The following ARHGEF26 variants were observed in gnomAD, a reference collection of about 807,000 sequenced individuals.
ARHGEF26 encodes Rho guanine nucleotide exchange factor 26.
A neutral mutation model predicts 89.4 loss-of-function variants in ARHGEF26; 59 were observed. The observed-to-expected ratio is 0.66, with a 90% CI of 0.54 to 0.82. The LOEUF (loss-of-function observed/expected upper bound fraction) is 0.82. Ranked by LOEUF, ARHGEF26 falls within the 40% of genes least tolerant of loss-of-function variation. The pLI, the probability that ARHGEF26 is intolerant of heterozygous loss-of-function variation, is 0.00. For missense variants in ARHGEF26, 1,234 were observed against 1,085.6 expected, an observed-to-expected ratio of 1.14 and a Z score of -1.92; for synonymous variants, 500 against 428.4, an observed-to-expected ratio of 1.17 and a Z score of -2.06.
intron 4 of ARHGEF26, among the ~76,000 whole-genome samples, chr3:154,137,320 A>G (rs1353869164): frequency 6.6e-6 from 1 of 152,136 alleles, no homozygotes; most frequent in Non-Finnish European, 1.5e-5. Flanking sequence ...GCCATATGAT[A>G]CCCTGCACCA....
chr3:154,233,780 C>T (rs1716947739), intron 11 of ARHGEF26, among the ~76,000 whole-genome samples: 1 of 152,176 alleles, frequency 6.6e-6, no homozygotes, highest in Non-Finnish European at 1.5e-5. Context: ...GGTGATGGGC[C>T]ATGGTGGCCT....
At chr3:154,212,202 A>G (rs2108233856) in intron 9 of ARHGEF26, among the ~76,000 whole-genome samples, 1 of 152,062 alleles carries the variant, frequency 6.6e-6, no homozygotes, top group South Asian at 2.1e-4. Flanking sequence ...AGCCTGGCAT[A>G]CAGCTGTGGT....
At chr3:154,158,282 C>T (rs1431052156) in intron 6 of ARHGEF26, among the ~76,000 whole-genome samples, 1 of 152,214 alleles carries the variant, frequency 6.6e-6, no homozygotes, top group Non-Finnish European at 1.5e-5. Context: ...GCACAGTGTG[C>T]ATGGATCTTA....
intron 6 of ARHGEF26, among the ~76,000 whole-genome samples, chr3:154,178,264 A>G (rs895108389): frequency 2.0e-5 from 3 of 152,208 alleles, no homozygotes; most frequent in South Asian, 2.1e-4. Flanking sequence ...TTCATATGCC[A>G]TACAAATAAC....
intron 7 of ARHGEF26, among the ~76,000 whole-genome samples, chr3:154,188,411 A>G (rs983654584): frequency 1.3e-5 from 2 of 152,256 alleles, no homozygotes; most frequent in African/African-American, 2.4e-5. Flanking sequence ...AGAGTTAAGC[A>G]TTAGATTTCC....
At position 154,257,757 on chromosome 3, in the gene ARHGEF26, C is replaced by T. The variant is rs1718610901; in HGVS notation, c.*2284C>T. ...AAGAACAAAAATGTTCATTTTTGTC[C>T]CAGTAAATTGAGACTGCTTGTACAC... On this transcript the variant is annotated 3_prime_UTR_variant, in exon 15 of 15. Transcript: ENST00000465093. The T allele has an allele frequency of 6.6e-6, 1 of 151,998 alleles. No homozygotes were observed. The highest frequency in any genetic ancestry group is 2.4e-5 in the African/African-American group (1 of 41,368). 9.4% of individuals were successfully genotyped at this position (151,998 alleles called of 1,614,324 possible). A position where few individuals can be genotyped will look rare whatever the true frequency, so the allele number is the denominator to read the frequency against.
At chr3:154,199,032 C>T (rs1312379975) in intron 9 of ARHGEF26, among the ~76,000 whole-genome samples, 1 of 151,948 alleles carries the variant, frequency 6.6e-6, no homozygotes, top group Non-Finnish European at 1.5e-5. Context: ...GGGTATCCAT[C>T]CCCTCAAGCA....
chr3:154,245,469 C>CT (rs1254194040), intron 12 of ARHGEF26, among the ~76,000 whole-genome samples: 1 of 152,124 alleles, frequency 6.6e-6, no homozygotes, highest in East Asian at 1.9e-4. Context: ...GTTAAACTTC[C>CT]TTTTTTGTTC....
At chr3:154,218,014 A>G in intron 10 of ARHGEF26, 56 bp downstream of exon 10, 11 of 1,463,722 alleles carry the variant, frequency 7.5e-6, no homozygotes, top group South Asian at 1.2e-5. Flanking sequence ...CTAAATAGAG[A>G]GAGACAGTTG....
At chr3:154,198,580 A>C (rs982489209) in intron 9 of ARHGEF26, among the ~76,000 whole-genome samples, 2 of 152,200 alleles carry the variant, frequency 1.3e-5, no homozygotes, top group Non-Finnish European at 2.9e-5. Flanking sequence ...ATTTGCAGCA[A>C]CTTGGATGGA....
intron 6 of ARHGEF26, among the ~76,000 whole-genome samples, chr3:154,171,269 C>G (rs1434518492): frequency 1.3e-5 from 2 of 152,090 alleles, no homozygotes; most frequent in Admixed American, 1.3e-4. Context: ...TTATATACCC[C>G]CTGATGCTGC....
intron 9 of ARHGEF26, among the ~76,000 whole-genome samples, chr3:154,215,349 C>T (rs1034283643): frequency 6.6e-6 from 1 of 152,060 alleles, no homozygotes; most frequent in East Asian, 1.9e-4. Flanking sequence ...CTCCCCACTT[C>T]CCACTCCCCT....
At position 154,122,015 on chromosome 3, in the gene ARHGEF26, A is replaced by G; in HGVS notation, c.23A>G (p.Asp8Gly). The stretch of plus-strand genomic sequence containing the variant: ...GCTATGGACGGCGAGAGCGAGGTGG[A>G]TTTTTCTAGCAACAGCATAACCCCT... MDGESEV[D>G]FSSNSITPLW... Residue 8 changes from aspartate (D) to glycine (G), a missense_variant, in exon 2 of 15, where the codon GAT (aspartate) becomes GGT (glycine). Transcript: ENST00000465093. 6.3e-7 allele frequency: 1 copy of G among 1,594,776 alleles called. No individual in the cohort carries two copies. The highest frequency in any genetic ancestry group is 8.6e-7 in the Non-Finnish European group (1 of 1,164,720).
intron 4 of ARHGEF26, among the ~76,000 whole-genome samples, chr3:154,141,665 AC>A (rs1559857040): frequency 1.3e-5 from 2 of 152,186 alleles, no homozygotes; most frequent in South Asian, 4.1e-4. Flanking sequence ...AATATGTTTT[AC>A]CTTATAAACC....
chr3:154,181,583 G>A (rs978609277), intron 6 of ARHGEF26, among the ~76,000 whole-genome samples: 2 of 152,244 alleles, frequency 1.3e-5, no homozygotes, highest in South Asian at 2.1e-4. Flanking sequence ...TGAGTGCTGC[G>A]CTGCTTAGTC....
chr3:154,204,537 G>T lies in ARHGEF26; in HGVS notation c.1845+9819G>T, dbSNP rs115658971. ...GTAGAGATGGGGTTTCACCATGTTG[G>T]CAGGCTGATCTCGATCTCCTGGTCT... On this transcript the variant is annotated intron_variant, in intron 9 of 14. Transcript: ENST00000465093. Among the ~76,000 whole-genome samples, 322 of 151,708 alleles carry T rather than the reference G, an allele frequency of 2.1e-3. 4 individuals carry two copies. The highest frequency in any genetic ancestry group is 0.02 in the Middle Eastern group (6 of 294).
intron 6 of ARHGEF26, among the ~76,000 whole-genome samples, chr3:154,169,308 T>G (rs895126442): frequency 2.0e-5 from 3 of 152,140 alleles, no homozygotes; most frequent in African/African-American, 7.2e-5. Flanking sequence ...TGCTAAAATT[T>G]ATTTTTAACC....
At chr3:154,152,614 T>C (rs1363892565) in intron 5 of ARHGEF26, among the ~76,000 whole-genome samples, 158 bp from the exon 6 acceptor site, 2 of 152,126 alleles carry the variant, frequency 1.3e-5, no homozygotes, top group Non-Finnish European at 2.9e-5. Flanking sequence ...AAGAGAGTAG[T>C]TTTGTGATGT....
intron 6 of ARHGEF26, among the ~76,000 whole-genome samples, chr3:154,165,975 A>G (rs1711994392): frequency 6.6e-6 from 1 of 152,184 alleles, no homozygotes; most frequent in South Asian, 2.1e-4. Flanking sequence ...GGATGTAGTG[A>G]AAGCCTCCTG....
Sources: gnomAD v4.1 joint callset for allele counts (sites outside exome capture counted in the v4.1 genomes callset) on GRCh38, gnomAD v4.1.1 for gene constraint, MANE v1.5 for transcripts, NCBI Gene and HGNC (gene_info 2026-07-23, HGNC 2026-07-21) for gene names.